Variants in MBNL2 observed in about 807,000 individuals in gnomAD.
MBNL2 encodes muscleblind like splicing regulator 2, also known as muscleblind-like protein 2.
In MBNL2, 17 loss-of-function variants were observed where a neutral mutation model predicts 41.9. The ratio of observed to expected loss-of-function variants is 0.41; its 90% CI spans 0.28 to 0.61. The LOEUF (loss-of-function observed/expected upper bound fraction) is 0.61. Among genes scored for constraint, MBNL2 ranks in the 20% least tolerant of loss-of-function variants. MBNL2 has a pLI of 0.35. For missense variants in MBNL2, 336 were observed against 505.6 expected, an observed-to-expected ratio of 0.66 and a Z score of 3.22; for synonymous variants, 195 against 182.9, an observed-to-expected ratio of 1.07 and a Z score of -0.53.
the MBNL2 span, among the ~76,000 whole-genome samples, chr13:97,177,839 A>G: frequency 6.6e-6 from 1 of 152,230 alleles, no homozygotes; most frequent in East Asian, 1.9e-4. Context: ...AGAATTCTCA[A>G]TTACAGTATT....
At chr13:97,234,059 T>C (rs551866919) in intron 1 of MBNL2, among the ~76,000 whole-genome samples, 2 of 152,356 alleles carry the variant, frequency 1.3e-5, no homozygotes, top group African/African-American at 4.8e-5. Flanking sequence ...CTGTCTACCC[T>C]CTTCCCCAGC....
At position 97,392,507 on chromosome 13, in the gene MBNL2, T is replaced by C. The variant is rs1358591757; in HGVS notation, c.*1058T>C. On this transcript the variant is annotated 3_prime_UTR_variant, in exon 9 of 9. Transcript: ENST00000679496. ...AAATAGTTCTTTTAATTCTTTCACC[T>C]TAAAGCATATTTTATGTCTCAAAAG... 6.6e-6 allele frequency: 1 copy of C among 152,492 alleles called. No homozygotes were observed. Among genetic ancestry groups the C allele is most frequent in the African/African-American group, 2.4e-5 (1 of 41,438 alleles). The allele number at this position is 152,492 out of a possible 1,614,324, so 9.4% of individuals were successfully genotyped here. A position where few individuals can be genotyped will look rare whatever the true frequency, so the allele number is the denominator to read the frequency against.
At chr13:97,308,370 T>A (rs2058306953) in intron 2 of MBNL2, among the ~76,000 whole-genome samples, 1 of 152,202 alleles carries the variant, frequency 6.6e-6, no homozygotes, top group South Asian at 2.1e-4. Context: ...GTGGAAGAAT[T>A]TCAAACATTT....
the MBNL2 span, among the ~76,000 whole-genome samples, chr13:97,194,804 C>T: frequency 1.3e-5 from 2 of 152,182 alleles, no homozygotes; most frequent in African/African-American, 4.8e-5. Context: ...CTCCCACCAG[C>T]GCCATGACCA....
intron 2 of MBNL2, among the ~76,000 whole-genome samples, chr13:97,296,663 G>A (rs9516899): frequency 0.096 from 14,531 of 151,116 alleles, 798 homozygotes; most frequent in African/African-American, 0.14. Context: ...ATTTAAATTT[G>A]AGCTAGTTGC....
chr13:97,390,000 T>C (rs976436525), intron 8 of MBNL2, among the ~76,000 whole-genome samples: 4 of 152,126 alleles, frequency 2.6e-5, no homozygotes, highest in Admixed American at 1.3e-4. Context: ...TAAAATAATA[T>C]CTTATTAATT....
chr13:97,206,955 G>C, the MBNL2 span, among the ~76,000 whole-genome samples: 1 of 152,124 alleles, frequency 6.6e-6, no homozygotes, highest in East Asian at 1.9e-4. Flanking sequence ...TTGAAAAATG[G>C]ATTTAGTAAT....
At chr13:97,290,397 C>T (rs535776572) in intron 2 of MBNL2, among the ~76,000 whole-genome samples, 2 of 152,250 alleles carry the variant, frequency 1.3e-5, no homozygotes, top group South Asian at 4.1e-4. Flanking sequence ...CCCTCCTTGG[C>T]CGGGCGCGGT....
the MBNL2 span, among the ~76,000 whole-genome samples, chr13:97,169,278 G>T: frequency 1.3e-5 from 2 of 152,272 alleles, no homozygotes; most frequent in South Asian, 2.1e-4. Context: ...AAACGAAGGG[G>T]CTAATCAACT....
intron 2 of MBNL2, among the ~76,000 whole-genome samples, chr13:97,288,663 T>G (rs2055159599): frequency 6.6e-6 from 1 of 152,224 alleles, no homozygotes; most frequent in Admixed American, 6.5e-5. Context: ...TAACTGACCC[T>G]GCTAATACTA....
chr13:97,242,885 C>T (rs946453443), intron 1 of MBNL2, among the ~76,000 whole-genome samples: 2 of 152,072 alleles, frequency 1.3e-5, no homozygotes, highest in African/African-American at 4.8e-5. Flanking sequence ...TGTCCAATGA[C>T]ATCATCCTCT....
chr13:97,320,485 G>A (rs1344065649), intron 2 of MBNL2, among the ~76,000 whole-genome samples: 6 of 151,596 alleles, frequency 4.0e-5, no homozygotes, highest in South Asian at 2.1e-4. Context: ...CTTGATCTCC[G>A]GACCTCATGA....
At chr13:97,174,543 ACATG>A in the MBNL2 span, among the ~76,000 whole-genome samples, 1 of 152,256 alleles carries the variant, frequency 6.6e-6, no homozygotes, top group Non-Finnish European at 1.5e-5. Flanking sequence ...GCTGAAAGCT[ACATG>A]TCTTCATAGG....
the MBNL2 span, among the ~76,000 whole-genome samples, chr13:97,192,500 T>C: frequency 2.8e-4 from 43 of 152,266 alleles, no homozygotes; most frequent in Non-Finnish European, 4.6e-4. Context: ...GTGAAACCAG[T>C]TGGAAAGCAG....
Position 97,391,303 on chromosome 13 carries a change from T to A in MBNL2, c.1049-19T>A, listed in dbSNP as rs763473144. 9.3e-7 allele frequency: 1 copy of A among 1,072,610 alleles called. No individual in the cohort carries two copies. Among genetic ancestry groups the A allele is most frequent in the East Asian group, 2.4e-5 (1 of 41,952 alleles). The allele number at this position is 1,072,610 out of a possible 1,614,324, so 66.4% of individuals were successfully genotyped here. On this transcript the variant is annotated intron_variant, in intron 8 of 8. Coordinates refer to ENST00000679496, the MANE Select transcript of MBNL2 (RefSeq NM_001382683.1). ...TCCCAGAAGGATACCTAAATCATGC[T>A]TGTCTTTCTCTTTAACAGATAATTC...
intron 1 of MBNL2, among the ~76,000 whole-genome samples, chr13:97,244,474 A>G (rs576753760): frequency 3.9e-5 from 6 of 152,364 alleles, no homozygotes; most frequent in African/African-American, 1.4e-4. Flanking sequence ...AGACAAGTCA[A>G]CTTATAGTCA....
the MBNL2 span, among the ~76,000 whole-genome samples, chr13:97,184,556 C>G: frequency 6.6e-6 from 1 of 152,206 alleles, no homozygotes; most frequent in African/African-American, 2.4e-5. Flanking sequence ...GATCTTGGCT[C>G]ACTGCAACCT....
chr13:97,356,938 C>A, intron 6 of MBNL2, 89 bp downstream of exon 6: 1 of 724,580 alleles, frequency 1.4e-6, no homozygotes, highest in Non-Finnish European at 2.0e-6. Context: ...TGGTTGCAAA[C>A]AATCATTATT....
At chr13:97,241,681 A>G (rs956504791) in intron 1 of MBNL2, among the ~76,000 whole-genome samples, 1 of 152,212 alleles carries the variant, frequency 6.6e-6, no homozygotes, top group Non-Finnish European at 1.5e-5. Flanking sequence ...ATGCATAAAC[A>G]TTGCACACAC....
Sources: allele counts gnomAD v4.1 joint callset (sites outside exome capture counted in the v4.1 genomes callset), GRCh38; gene constraint gnomAD v4.1.1; transcripts MANE v1.5; gene names NCBI Gene and HGNC (gene_info 2026-07-23, HGNC 2026-07-21).